Variants in XKR9 observed in about 807,000 individuals in gnomAD.
The protein encoded by XKR9 is XK related 9, also known as XK-related protein 9.
A neutral mutation model predicts 32.0 loss-of-function variants in XKR9; 32 were observed. The observed-to-expected ratio is 1.00, with a 90% confidence interval of 0.76 to 1.34. XKR9 has a LOEUF of 1.34. XKR9 is among the 40% of genes most tolerant of loss of function. The pLI, the probability that XKR9 is intolerant of heterozygous loss-of-function variation, is 0.00. For missense variants in XKR9, 546 were observed against 429.7 expected, an observed-to-expected ratio of 1.27 and a Z score of -2.39; for synonymous variants, 168 against 143.4, an observed-to-expected ratio of 1.17 and a Z score of -1.22.
At chr8:70,842,547 T>TACACACACACACACAC in the XKR9 span, among the ~76,000 whole-genome samples, 33 of 149,134 alleles carry the variant, frequency 2.2e-4, 1 homozygote, top group Middle Eastern at 0.01. Context: ...CATCATTATT[T>TACACACACACACACAC]ACACACACAC....
At chr8:70,841,756 A>G in the XKR9 span, among the ~76,000 whole-genome samples, 1 of 152,208 alleles carries the variant, frequency 6.6e-6, no homozygotes. Flanking sequence ...CACATAAATG[A>G]TGCATTCTCC....
At chr8:70,924,812 T>A in the XKR9 span, among the ~76,000 whole-genome samples, 2 of 152,218 alleles carry the variant, frequency 1.3e-5, no homozygotes, top group Non-Finnish European at 2.9e-5. Context: ...TTCTGCAAAC[T>A]TCCTTTATAC....
At chr8:70,829,225 T>C in the XKR9 span, among the ~76,000 whole-genome samples, 1 of 152,240 alleles carries the variant, frequency 6.6e-6, no homozygotes, top group Non-Finnish European at 1.5e-5. Flanking sequence ...CCTCAGTTTC[T>C]TATTTCGGAT....
At chr8:70,884,893 C>G in the XKR9 span, among the ~76,000 whole-genome samples, 1 of 152,020 alleles carries the variant, frequency 6.6e-6, no homozygotes, top group South Asian at 2.1e-4. Context: ...ATTTACAATC[C>G]GTTTGTTGAT....
downstream of XKR9, among the ~76,000 whole-genome samples, chr8:70,791,485 T>A (rs1586900341): frequency 6.6e-6 from 1 of 152,114 alleles, no homozygotes. Flanking sequence ...AAGAGGTGAT[T>A]AGGCCACGAG....
At position 70,733,926 on chromosome 8, in the gene XKR9, C is replaced by CAGT; in HGVS notation, c.625_626insGTA (p.Tyr208_Lys209insSer). The CAGT allele has an allele frequency of 6.2e-7, 1 of 1,612,794 alleles. No individual in the cohort carries two copies. Among genetic ancestry groups the CAGT allele is most frequent in the Non-Finnish European group, 8.5e-7 (1 of 1,179,642 alleles). ...GTCCCAAAATCACATATCTCTTTTA[C>CAGT]AAGTTGTTTACATTATTATCGTGGA... On this transcript the variant is annotated inframe_insertion, in exon 5 of 5. Transcript: ENST00000408926.
At chr8:70,743,780 C>G (rs1246503525) in intron 2 of XKR9, among the ~76,000 whole-genome samples, 1 of 152,052 alleles carries the variant, frequency 6.6e-6, no homozygotes, top group Admixed American at 6.6e-5. Flanking sequence ...GCCTTAAAAC[C>G]ACTAAAACTG....
chr8:70,809,131 G>A, the XKR9 span, among the ~76,000 whole-genome samples: 1 of 152,186 alleles, frequency 6.6e-6, no homozygotes. Flanking sequence ...AACATTTGCT[G>A]TTCACCAATA....
intron 4 of XKR9, among the ~76,000 whole-genome samples, chr8:70,714,633 C>T (rs1463250718): frequency 6.6e-6 from 1 of 151,910 alleles, no homozygotes; most frequent in Non-Finnish European, 1.5e-5. Flanking sequence ...TTTTGGAAAA[C>T]CTCTATCAAT....
chr8:71,008,770 C>G, the XKR9 span, among the ~76,000 whole-genome samples: 1 of 151,974 alleles, frequency 6.6e-6, no homozygotes, highest in Non-Finnish European at 1.5e-5. Flanking sequence ...GGCACTACAC[C>G]AAGTACTTCC....
intron 2 of XKR9, among the ~76,000 whole-genome samples, chr8:70,783,226 C>CTT (rs57296282): frequency 2.1e-5 from 3 of 144,020 alleles, no homozygotes; most frequent in African/African-American, 5.1e-5. Flanking sequence ...ATTTGTATGT[C>CTT]TTTTTTTTTT....
the XKR9 span, among the ~76,000 whole-genome samples, chr8:70,818,341 TA>T: frequency 2.0e-5 from 3 of 152,210 alleles, no homozygotes; most frequent in Non-Finnish European, 2.9e-5. Flanking sequence ...TATAGTGCTT[TA>T]TTTTTTTATT....
chr8:70,867,701 CT>C, the XKR9 span, among the ~76,000 whole-genome samples: 146 of 152,308 alleles, frequency 9.6e-4, no homozygotes, highest in Middle Eastern at 6.8e-3. Flanking sequence ...ATCCACCCAC[CT>C]TGGCCTTCCA....
At chr8:70,782,019 A>G (rs1233442313) in intron 2 of XKR9, among the ~76,000 whole-genome samples, 4 of 152,208 alleles carry the variant, frequency 2.6e-5, no homozygotes, top group African/African-American at 9.6e-5. Context: ...GTAAATTATA[A>G]GCTCCAGACC....
chr8:70,765,219 A>G (rs1039587220), intron 2 of XKR9, among the ~76,000 whole-genome samples: 9 of 152,234 alleles, frequency 5.9e-5, no homozygotes, highest in African/African-American at 1.4e-4. Flanking sequence ...ACAGTGTAAA[A>G]GCGTACCTAT....
the XKR9 span, among the ~76,000 whole-genome samples, chr8:70,989,466 C>T: frequency 6.6e-5 from 10 of 152,068 alleles, no homozygotes; most frequent in South Asian, 1.7e-3. Flanking sequence ...CTTCTTAAAC[C>T]TTAAAAACAA....
At position 70,700,296 on chromosome 8, in the gene XKR9, TC is replaced by T. The variant is rs1485594538; in HGVS notation, c.273-6632del. ...TTTCCAGTTTTTCTGCTCTGTTTTT[TC>T]CCCCTCTTTGTGGTTTTATCTACTT... On this transcript the variant is annotated intron_variant, in intron 3 of 4. Transcript: ENST00000408926. Among the ~76,000 whole-genome samples the T allele has an allele frequency of 3.3e-5, 5 of 151,964 alleles. No individual in the cohort carries two copies. In the South Asian group the frequency reaches 8.3e-4, roughly 25 times the overall value.
intron 4 of XKR9, among the ~76,000 whole-genome samples, chr8:70,728,801 A>T (rs917750398): frequency 6.6e-6 from 1 of 152,226 alleles, no homozygotes; most frequent in African/African-American, 2.4e-5. Flanking sequence ...GTGCAGCAAG[A>T]TTATTTTTCA....
At chr8:70,856,126 A>T in the XKR9 span, among the ~76,000 whole-genome samples, 5 of 152,212 alleles carry the variant, frequency 3.3e-5, no homozygotes, top group Non-Finnish European at 5.9e-5. Context: ...CACACATAAC[A>T]ATATAAACCT....
Sources: gnomAD v4.1 joint callset for allele counts (sites outside exome capture counted in the v4.1 genomes callset) on GRCh38, gnomAD v4.1.1 for gene constraint, MANE v1.5 for transcripts, NCBI Gene and HGNC (gene_info 2026-07-23, HGNC 2026-07-21) for gene names.